Variants in MYO16 observed in about 807,000 individuals in gnomAD.
The protein encoded by MYO16 is myosin XVI.
Under a neutral mutation model 205.3 loss-of-function variants are expected in MYO16, and 94 were observed. The ratio of observed to expected loss-of-function variants is 0.46; its 90% CI spans 0.39 to 0.54. The LOEUF (loss-of-function observed/expected upper bound fraction) is 0.54, where lower values mean the gene tolerates loss of function less well. Ranked by LOEUF, MYO16 falls within the 20% of genes least tolerant of loss-of-function variation. The pLI is 0.00. For synonymous variants in MYO16, 988 were observed against 954.0 expected (o/e 1.04, Z -0.66); for missense variants, 2,315 against 2,387.5 (o/e 0.97, Z 0.63).
At chr13:108,664,995 C>T (rs1050404137) in intron 1 of MYO16, among the ~76,000 whole-genome samples, 11 of 152,110 alleles carry the variant, frequency 7.2e-5, no homozygotes, top group African/African-American at 2.7e-4. Flanking sequence ...TATACTTAAC[C>T]ACAGGTTTCT....
the MYO16 span, among the ~76,000 whole-genome samples, chr13:108,563,268 A>G: frequency 4.6e-5 from 7 of 152,194 alleles, no homozygotes; most frequent in Non-Finnish European, 1.0e-4. Flanking sequence ...TGCAATGCAT[A>G]TAATCATGTC....
chr13:108,636,847 C>T (rs1445529157), intron 1 of MYO16, among the ~76,000 whole-genome samples: 1 of 152,168 alleles, frequency 6.6e-6, no homozygotes, highest in Non-Finnish European at 1.5e-5. Context: ...ATCTTTATGA[C>T]ACTGTATCTC....
At chr13:108,662,738 G>T (rs955310943) in intron 1 of MYO16, among the ~76,000 whole-genome samples, 1 of 152,128 alleles carries the variant, frequency 6.6e-6, no homozygotes, top group East Asian at 1.9e-4. Flanking sequence ...TTCTTTCCCT[G>T]CCTGTGAAGT....
In MYO16 at chr13:109,206,746, A is replaced by G; in HGVS notation, c.5553A>G (p.Pro1851=). The part of the protein sequence containing the change: ...LHHAEPRVPP[P]PPCKKPSLLK... ...ACGCTGAGCCCAGGGTGCCTCCCCC[A>G]CCACCTTGCAAGAAGCCCAGCCTTC... Residue 1851 remains proline (P), a synonymous_variant, in exon 35 of 35, where the codon CCA becomes CCG. Transcript: ENST00000457511. 6.2e-7 allele frequency: 1 copy of G among 1,614,116 alleles called. No homozygotes were observed. Among genetic ancestry groups the G allele is most frequent in the South Asian group, 1.1e-5 (1 of 91,078 alleles).
intron 22 of MYO16, among the ~76,000 whole-genome samples, chr13:109,011,360 G>T (rs1165516858): frequency 6.6e-6 from 1 of 152,150 alleles, no homozygotes. Flanking sequence ...CCCACCAGGG[G>T]TGTGCGTGTC....
At chr13:108,604,539 A>T (rs1878881613) in intron 1 of MYO16, among the ~76,000 whole-genome samples, 1 of 152,212 alleles carries the variant, frequency 6.6e-6, no homozygotes, top group South Asian at 2.1e-4. Context: ...ACCAAAGTTG[A>T]AATGCTAGTG....
chr13:108,699,694 C>T (rs1052833516), intron 2 of MYO16, among the ~76,000 whole-genome samples: 5 of 152,114 alleles, frequency 3.3e-5, no homozygotes, highest in African/African-American at 9.7e-5. Flanking sequence ...TCCCGCCAGA[C>T]AATTTGTACC....
rs570153955 is a variant in MYO16, at chr13:109,044,933, C to G, written c.2797-1983C>G. ...TCAAACTCCTGACCTCGTGATCTGTCCACCTTGGCCTCCCAAAGTGCTGGG... is the reference window on the plus strand; with the variant it reads ...TCAAACTCCTGACCTCGTGATCTGTGCACCTTGGCCTCCCAAAGTGCTGGG... On this transcript the variant is annotated intron_variant, in intron 23 of 34. Transcript: ENST00000457511. Among the ~76,000 whole-genome samples, 3 of 152,266 alleles carry G rather than the reference C, an allele frequency of 2.0e-5. No individual in the cohort carries two copies. The East Asian group carries it at 5.8e-4, about 29-fold the overall frequency.
intron 24 of MYO16, among the ~76,000 whole-genome samples, chr13:109,049,403 G>A (rs759162138): frequency 6.6e-6 from 1 of 152,092 alleles, no homozygotes; most frequent in Non-Finnish European, 1.5e-5. Flanking sequence ...GGGCTCTCCC[G>A]TTAGGGCCCA....
Position 108,933,313 on chromosome 13 carries a change from A to G in MYO16, c.1925+23163A>G, listed in dbSNP as rs1275112395. On this transcript the variant is annotated intron_variant, in intron 16 of 34. Transcript: ENST00000457511. ...CAGGAATGCCTGAGAGCATGCTTTC[A>G]GCTGATCTGATCCACATGGTCTCAG... is the stretch of plus-strand genomic sequence containing the variant. Among the ~76,000 whole-genome samples the G allele has an allele frequency of 2.0e-5, 3 of 152,060 alleles. No individual in the cohort carries two copies. In the East Asian group the frequency reaches 5.8e-4, roughly 29 times the overall value.
rs375166505 is a variant in MYO16 at position 108,639,478 on chromosome 13, C to T, written c.28+9606C>T. Among the ~76,000 whole-genome samples, 39 of 152,212 alleles carry T rather than the reference C, an allele frequency of 2.6e-4. No individual in the cohort carries two copies. The South Asian group carries it at 6.6e-3, about 26-fold the overall frequency. On this transcript the variant is annotated intron_variant, in intron 1 of 34. Transcript: ENST00000457511. ...TTGCGCTATTCAAACCCAAGCAGAC[C>T]CTGTATCTTATCAGCACTTCAAACC...
At chr13:108,784,483 C>T (rs1202463468) in intron 4 of MYO16, among the ~76,000 whole-genome samples, 6 of 151,802 alleles carry the variant, frequency 4.0e-5, no homozygotes, top group East Asian at 3.9e-4. Flanking sequence ...TATTTTACCA[C>T]GTTAAGCTAC....
At chr13:108,711,098 A>G (rs1480214107) in intron 2 of MYO16, among the ~76,000 whole-genome samples, 2 of 152,184 alleles carry the variant, frequency 1.3e-5, no homozygotes, top group Non-Finnish European at 2.9e-5. Flanking sequence ...AGGCAGAGAA[A>G]GGGTGGGGGG....
At chr13:109,178,232 G>A (rs1003108003) in intron 33 of MYO16, among the ~76,000 whole-genome samples, 8 of 152,046 alleles carry the variant, frequency 5.3e-5, no homozygotes, top group East Asian at 3.9e-4. Context: ...CTATTGCCAC[G>A]TAGCACCTGA....
intron 16 of MYO16, 38 bp from the exon 17 acceptor site, chr13:108,957,650 A>T: frequency 7.0e-7 from 1 of 1,435,892 alleles, no homozygotes; most frequent in Non-Finnish European, 9.8e-7. Flanking sequence ...TCTGACCGGA[A>T]GCCAGGCGAT....
intron 22 of MYO16, among the ~76,000 whole-genome samples, chr13:109,015,690 G>T (rs1256887188): frequency 1.3e-5 from 2 of 152,130 alleles, no homozygotes; most frequent in Non-Finnish European, 2.9e-5. Flanking sequence ...TTAGTCTTGG[G>T]AGGGTGTATG....
At chr13:108,851,998 C>T (rs529868947) in intron 10 of MYO16, among the ~76,000 whole-genome samples, 6 of 152,276 alleles carry the variant, frequency 3.9e-5, no homozygotes, top group East Asian at 1.9e-4. Context: ...CATCTCCTCC[C>T]GACCTTACAG....
chr13:108,799,918 C>T (rs1322189819), intron 6 of MYO16, among the ~76,000 whole-genome samples: 1 of 152,142 alleles, frequency 6.6e-6, no homozygotes, highest in Non-Finnish European at 1.5e-5. Context: ...GCAATAAGAG[C>T]AAGGTTTTTA....
chr13:109,154,911 G>GAAAAAAAA (rs59465499), intron 32 of MYO16, among the ~76,000 whole-genome samples: 636 of 62,658 alleles, frequency 0.01, 76 homozygotes, highest in Middle Eastern at 0.021. Context: ...GGCTAATTAT[G>GAAAAAAAA]AAAAAAAAAA....
Sources: allele counts gnomAD v4.1 joint callset (sites outside exome capture counted in the v4.1 genomes callset), GRCh38; gene constraint gnomAD v4.1.1; transcripts MANE v1.5; gene names NCBI Gene and HGNC (gene_info 2026-07-23, HGNC 2026-07-21).